PLAU: variants seen among roughly 807,000 people sequenced by gnomAD.
PLAU encodes plasminogen activator, urokinase.
A neutral mutation model predicts 48.9 loss-of-function variants in PLAU; 32 were observed. The ratio of observed to expected loss-of-function variants is 0.65; its 90% CI spans 0.49 to 0.88. PLAU has a LOEUF of 0.88. Among genes scored for constraint, PLAU ranks in the 40% least tolerant of loss-of-function variants. The pLI, the probability that PLAU is intolerant of heterozygous loss-of-function variation, is 0.00. For synonymous variants in PLAU, 199 were observed against 205.7 expected (o/e 0.97, Z 0.28); for missense variants, 455 against 545.2 (o/e 0.83, Z 1.65).
upstream of PLAU, among the ~76,000 whole-genome samples, chr10:73,909,672 G>A (rs2096120668): frequency 3.9e-5 from 6 of 152,296 alleles, no homozygotes; most frequent in South Asian, 1.2e-3. Flanking sequence ...CCAAGGTCCA[G>A]ATTTGCAAGG....
At position 73,913,314 on chromosome 10, in the gene PLAU, C is replaced by T; in HGVS notation, c.393C>T (p.Pro131=). The part of the protein sequence containing the change: ...YCRNPDNRRR[P]WCYVQVGLKL... Reference sequence around the variant, plus strand: ...GGAACCCAGACAACCGGAGGCGACCCTGGTGCTATGTGCAGGTGGGCCTAA... The same window carrying T: ...GGAACCCAGACAACCGGAGGCGACCTTGGTGCTATGTGCAGGTGGGCCTAA... The change falls in exon 6 of 11, where the codon CCC becomes CCT. Residue 131 remains proline, a synonymous_variant. Transcript: ENST00000372764. 6.2e-7 allele frequency: 1 copy of T among 1,614,194 alleles called. No homozygotes were observed. The highest frequency in any genetic ancestry group is 1.1e-5 in the South Asian group (1 of 91,086).
chr10:73,912,004 G>A, intron 2 of PLAU, 37 bp from the exon 3 acceptor site: 1 of 1,614,086 alleles, frequency 6.2e-7, no homozygotes, highest in Non-Finnish European at 8.5e-7. Context: ...CTGGAGCATG[G>A]GACCTTTGAT....
rs375409521 is a variant in PLAU at position 73,912,300 on chromosome 10, C to T, written c.171C>T (p.Phe57=). 2.1e-5 allele frequency: 30 copies of T among 1,431,962 alleles called. No homozygotes were observed. Among genetic ancestry groups the T allele is most frequent in the East Asian group, 1.4e-4 (4 of 28,642 alleles). 88.7% of individuals were successfully genotyped at this position (1,431,962 alleles called of 1,614,324 possible). A position where few individuals can be genotyped will look rare whatever the true frequency, so the allele number is the denominator to read the frequency against. ...NIHWCNCPKK[F]GGQHCEIDKS... is the part of the protein sequence containing the mutation. ...ACTGGTGCAACTGCCCAAAGAAATT[C>T]GGAGGGCAGCACTGTGAAATAGGTA... is the stretch of plus-strand genomic sequence containing the variant. The change falls in exon 4 of 11, where the codon TTC becomes TTT. Residue 57 remains phenylalanine (F), a synonymous_variant. Transcript: ENST00000372764.
At chr10:73,911,869 C>T (rs759434474) in intron 2 of PLAU, 172 bp from the exon 3 acceptor site, 16 of 1,554,674 alleles carry the variant, frequency 1.0e-5, no homozygotes, top group Non-Finnish European at 1.4e-5. Context: ...TTGGGTCAAT[C>T]CATTTCTCCT....
At position 73,915,236 on chromosome 10, in the gene PLAU, G is replaced by T; in HGVS notation, c.971-15G>T. Reference sequence around the variant, plus strand: ...TAAATCTTGATGCAAACGCCTCCCTGTTTTCTCCACCTAGCCGACTATCTC... The same window carrying T: ...TAAATCTTGATGCAAACGCCTCCCTTTTTTCTCCACCTAGCCGACTATCTC... On this transcript the variant is annotated splice_polypyrimidine_tract_variant and intron_variant, in intron 9 of 10. Transcript: ENST00000372764. The T allele has an allele frequency of 6.2e-7, 1 of 1,605,604 alleles. No individual in the cohort carries two copies. The highest frequency in any genetic ancestry group is 8.5e-7 in the Non-Finnish European group (1 of 1,176,486).
At chr10:73,914,357 G>A (rs2096131837) in intron 8 of PLAU, among the ~76,000 whole-genome samples, 2 of 152,348 alleles carry the variant, frequency 1.3e-5, no homozygotes, top group South Asian at 4.1e-4. Context: ...GTAGCCTCTT[G>A]CGAGTGGAAA....
Position 73,915,334 on chromosome 10 carries a change from G to A in PLAU, c.1054G>A (p.Gly352Ser), listed in dbSNP as rs781695245. 6 of 1,613,830 alleles carry A rather than the reference G, an allele frequency of 3.7e-6. No homozygotes were observed. The African/African-American group carries it at 4.0e-5, about 11-fold the overall frequency. ...HRECQQPHYYGSEVTTKMLCA... is the reference protein window; with the variant it reads ...HRECQQPHYYSSEVTTKMLCA... ...GGAGTGTCAGCAGCCCCACTACTAC[G>A]GCTCTGAAGTCACCACCAAAATGCT... The change falls in exon 10 of 11, where the codon GGC becomes AGC. Residue 352 changes from glycine (G) to serine (S), a missense_variant. Gly to Ser is a moderately conservative substitution (Grantham distance 56). Transcript: ENST00000372764.
At position 73,916,664 on chromosome 10, in the gene PLAU, T is replaced by C. The variant is rs1298136675; in HGVS notation, c.*99T>C. On this transcript the variant is annotated 3_prime_UTR_variant, in exon 11 of 11. Coordinates refer to ENST00000372764, the MANE Select transcript of PLAU (RefSeq NM_002658.6). ...CAGCTGTAAGAAGAGACTGGGAAGA[T>C]AGGCTCTGCACAGATGGATTTGCCT... 4.1e-6 allele frequency: 4 copies of C among 979,604 alleles called. No homozygotes were observed. Among genetic ancestry groups the C allele is most frequent in the Middle Eastern group, 3.2e-4 (1 of 3,094 alleles). 60.7% of individuals were successfully genotyped at this position (979,604 alleles called of 1,614,324 possible). A position where few individuals can be genotyped will look rare whatever the true frequency, so the allele number is the denominator to read the frequency against.
rs759249841 is a variant in PLAU at position 73,911,630 on chromosome 10, TTGAC to T, written c.57+22_57+25del. On this transcript the variant is annotated intron_variant, in intron 2 of 10. Coordinates refer to ENST00000372764, the MANE Select transcript of PLAU (RefSeq NM_002658.6). Reference sequence around the variant, plus strand: ...ACTCCAAAGTGAGTGCGCTCTTGCTTTGACTGATGCTGCCCAAGGACCTCTGATC... The same window carrying T: ...ACTCCAAAGTGAGTGCGCTCTTGCTTTGATGCTGCCCAAGGACCTCTGATC... The T allele has an allele frequency of 6.2e-7, 1 of 1,613,610 alleles. No homozygotes were observed. The highest frequency in any genetic ancestry group is 2.2e-5 in the East Asian group (1 of 44,868).
At position 73,914,007 on chromosome 10, in the gene PLAU, C is replaced by T. The variant is rs755479753; in HGVS notation, c.708C>T (p.Ile236=). 37 of 1,613,662 alleles carry T rather than the reference C, an allele frequency of 2.3e-5. No homozygotes were observed. Among genetic ancestry groups the T allele is most frequent in the South Asian group, 2.2e-4 (20 of 91,080 alleles). ...FIDYPKKEDY[I]VYLGRSRLNS... is the part of the protein sequence containing the mutation. ...ATTACCCAAAGAAGGAGGACTACAT[C>T]GTCTACCTGGGTCGCTCAAGGCTTA... Residue 236 remains isoleucine, a synonymous_variant, in exon 8 of 11, where the codon ATC becomes ATT. Coordinates refer to ENST00000372764, the MANE Select transcript of PLAU (RefSeq NM_002658.6).
upstream of PLAU, chr10:73,910,078 C>A (rs1228851367): frequency 6.6e-6 from 1 of 152,110 alleles, no homozygotes; most frequent in Non-Finnish European, 1.5e-5. Flanking sequence ...TTAAAAAATG[C>A]ATAATTATCT....
In PLAU at chr10:73,916,736, G is replaced by T; in HGVS notation, c.*171G>T. ...GACAATAGCTTTACCCTCAGGCATA[G>T]GCCTGGGTGCTGGCTGCCCAGACCC... On this transcript the variant is annotated 3_prime_UTR_variant, in exon 11 of 11. Coordinates refer to ENST00000372764, the MANE Select transcript of PLAU (RefSeq NM_002658.6). 1 of 622,438 alleles carries T rather than the reference G, an allele frequency of 1.6e-6. No individual in the cohort carries two copies. Among genetic ancestry groups the T allele is most frequent in the South Asian group, 2.0e-5 (1 of 49,618 alleles). The allele number at this position is 622,438 out of a possible 1,614,324, so 38.6% of individuals were successfully genotyped here. A position where few individuals can be genotyped will look rare whatever the true frequency, so the allele number is the denominator to read the frequency against.
At chr10:73,909,585 G>C (rs2096120592), upstream of PLAU, among the ~76,000 whole-genome samples, 1 of 152,198 alleles carries the variant, frequency 6.6e-6, no homozygotes, top group Non-Finnish European at 1.5e-5. Context: ...CTGGGGCAGA[G>C]CAAAGGAGCC....
chr10:73,913,512 T>G (rs2136188383), intron 6 of PLAU, 27 bp from the exon 7 acceptor site: 1 of 1,592,274 alleles, frequency 6.3e-7, no homozygotes, highest in Non-Finnish European at 8.6e-7. Flanking sequence ...CCTGCCTCCC[T>G]AAGACATCCC....
Position 73,912,943 on chromosome 10 carries a change from T to A in PLAU, c.213T>A (p.Tyr71Ter), listed in dbSNP as rs2096127713. The stretch of plus-strand genomic sequence containing the variant: ...TTGTAGATAAGTCAAAAACCTGCTA[T>A]GAGGGGAATGGTCACTTTTACCGAG... ...HCEIDKSKTC[Y>*]EGNGHFYRGK... Residue 71 changes from tyrosine to a stop codon, truncating the protein, a stop_gained, in exon 5 of 11, where the codon TAT (tyrosine) becomes TAA (stop). Coordinates refer to ENST00000372764, the MANE Select transcript of PLAU (RefSeq NM_002658.6). LOFTEE classifies it high-confidence loss of function. 6.2e-7 allele frequency: 1 copy of A among 1,612,958 alleles called. No individual in the cohort carries two copies.
chr10:73,913,441 C>T, intron 6 of PLAU, 60 bp downstream of exon 6: 4 of 1,566,838 alleles, frequency 2.6e-6, no homozygotes, highest in Middle Eastern at 1.7e-4. Flanking sequence ...TACATGTCCC[C>T]TTATTCCATC....
chr10:73,915,281 T>A lies in PLAU; in HGVS notation c.1001T>A (p.Met334Lys). The change falls in exon 10 of 11, where the codon ATG (methionine) becomes AAG (lysine). Residue 334 changes from methionine (M) to lysine (K), a missense_variant. Met to Lys is a moderately conservative substitution (Grantham distance 95). Transcript: ENST00000372764. ...TATCTCTATCCGGAGCAGCTGAAAA[T>A]GACTGTTGTGAAGCTGATTTCCCAC... is the stretch of plus-strand genomic sequence containing the variant. The part of the protein sequence containing the change: ...TDYLYPEQLK[M>K]TVVKLISHRE... 1.2e-6 allele frequency: 2 copies of A among 1,613,900 alleles called. No individual in the cohort carries two copies. Among genetic ancestry groups the A allele is most frequent in the Non-Finnish European group, 1.7e-6 (2 of 1,179,934 alleles).
upstream of PLAU, among the ~76,000 whole-genome samples, chr10:73,908,934 G>C (rs1388960471): frequency 6.6e-6 from 1 of 151,972 alleles, no homozygotes; most frequent in Admixed American, 6.6e-5. Context: ...GGATGAGGTG[G>C]GAGGACCCCT....
At chr10:73,916,187 G>C (rs931345315) in intron 10 of PLAU, among the ~76,000 whole-genome samples, 3 of 152,202 alleles carry the variant, frequency 2.0e-5, no homozygotes, top group African/African-American at 7.2e-5. Flanking sequence ...AGTTTGCAGT[G>C]AGCTGAGATC....
Sources: gnomAD v4.1 joint callset for allele counts (sites outside exome capture counted in the v4.1 genomes callset) on GRCh38, gnomAD v4.1.1 for gene constraint, MANE v1.5 for transcripts, NCBI Gene and HGNC (gene_info 2026-07-23, HGNC 2026-07-21) for gene names.